The following PAPLN variants were observed in gnomAD, a reference collection of about 807,000 sequenced individuals.
The protein encoded by PAPLN is papilin.
PAPLN carries 146 observed loss-of-function variants against 159.0 expected under a neutral mutation model. That is an observed-to-expected ratio of 0.92 (90% CI 0.80 to 1.05). The LOEUF is 1.05. Ranked by LOEUF, PAPLN falls within the 50% of genes least tolerant of loss-of-function variation. The probability of loss-of-function intolerance (pLI) is 0.00; values close to 1 mark genes in which losing one functional copy is unlikely to be tolerated. For synonymous variants in PAPLN, 734 were observed against 702.9 expected (o/e 1.04, Z -0.70); for missense variants, 1,720 against 1,743.9 (o/e 0.99, Z 0.24).
rs144385424 is a variant in PAPLN, at chr14:73,271,686, G to A, written c.3668-809G>A. On this transcript the variant is annotated intron_variant, in intron 26 of 26. Coordinates refer to ENST00000644200, the MANE Select transcript of PAPLN (RefSeq NM_001365906.3). ...CTGGCTAATTTTTGCATTTTTAGTA[G>A]AGATGGGGTTTCACCATATTGGCCA... Among the ~76,000 whole-genome samples the A allele has an allele frequency of 9.5e-3, 1,440 of 152,170 alleles. 28 individuals carry two copies. Among genetic ancestry groups the A allele is most frequent in the African/African-American group, 0.033 (1,361 of 41,498 alleles).
Position 73,259,530 on chromosome 14 carries a change from C to T in PAPLN, c.1970C>T (p.Pro657Leu), listed in dbSNP as rs1310114163. 6.3e-7 allele frequency: 1 copy of T among 1,580,200 alleles called. No homozygotes were observed. Among genetic ancestry groups the T allele is most frequent in the Non-Finnish European group, 8.6e-7 (1 of 1,162,390 alleles). ...GPQWQGCPGA[P>L]CQQSRYGCCP... is the part of the protein sequence containing the mutation. ...CAGTGGCAAGGCTGCCCTGGGGCCCCCTGTCAGCAGAGCAGGTGGGTGCTG... is the reference window on the plus strand; with the variant it reads ...CAGTGGCAAGGCTGCCCTGGGGCCCTCTGTCAGCAGAGCAGGTGGGTGCTG... The change falls in exon 16 of 27, where the codon CCC becomes CTC. Residue 657 changes from proline (P) to leucine (L), a missense_variant. By Grantham distance (98) the Pro-to-Leu change is moderately conservative. Coordinates refer to ENST00000644200, the MANE Select transcript of PAPLN (RefSeq NM_001365906.3).
At position 73,253,972 on chromosome 14, in the gene PAPLN, T is replaced by G; in HGVS notation, c.1302+11T>G. Reference sequence around the variant, plus strand: ...GAGCCCTGGGGAGAGGTCAGGCCCCTGGCCCGCATGGGGCTGGTGCTGGAC... The same window carrying G: ...GAGCCCTGGGGAGAGGTCAGGCCCCGGGCCCGCATGGGGCTGGTGCTGGAC... On this transcript the variant is annotated intron_variant, in intron 12 of 26. Transcript: ENST00000644200. The G allele has an allele frequency of 6.2e-7, 1 of 1,603,388 alleles. No individual in the cohort carries two copies. Among genetic ancestry groups the G allele is most frequent in the Non-Finnish European group, 8.5e-7 (1 of 1,175,878 alleles).
intron 11 of PAPLN, chr14:73,253,114 G>T (rs1225056173): frequency 7.1e-7 from 1 of 1,405,048 alleles, no homozygotes; most frequent in Non-Finnish European, 9.5e-7. Context: ...CAGGGGTCAG[G>T]CCAAAGGGCC....
chr14:73,271,434 A>G (rs996096680), intron 26 of PAPLN, among the ~76,000 whole-genome samples: 11 of 152,020 alleles, frequency 7.2e-5, no homozygotes, highest in Non-Finnish European at 1.5e-4. Flanking sequence ...CAGGGAAGGT[A>G]CCACTCTGGT....
intron 14 of PAPLN, among the ~76,000 whole-genome samples, chr14:73,255,612 G>T (rs1376547916): frequency 1.3e-5 from 2 of 152,148 alleles, no homozygotes; most frequent in Non-Finnish European, 2.9e-5. Flanking sequence ...GCCAGTGTTT[G>T]CGTGGTGTGA....
intron 26 of PAPLN, among the ~76,000 whole-genome samples, chr14:73,270,948 G>GGGGT (rs746649339): frequency 3.3e-5 from 5 of 152,194 alleles, no homozygotes; most frequent in Non-Finnish European, 7.3e-5. Context: ...AGGAGGCCTT[G>GGGGT]GGGTGGTCAG....
In PAPLN at chr14:73,265,397, G is replaced by T; in HGVS notation, c.3153G>T (p.Arg1051=). ...NRLRLDQNQP[R]VVDASPGQRI... is the part of the protein sequence containing the mutation. The stretch of plus-strand genomic sequence containing the variant: ...TGCGTTTGGACCAGAACCAGCCCCG[G>T]GTGGTGGATGCCAGTCCAGGCCAGC... Residue 1051 remains arginine, a synonymous_variant, in exon 23 of 27, where the codon CGG becomes CGT. Coordinates refer to ENST00000644200, the MANE Select transcript of PAPLN (RefSeq NM_001365906.3). The surrounding 1 kb of genome is among the most constrained non-coding windows in gnomAD (Gnocchi z 4.1). 1 of 1,611,640 alleles carries T rather than the reference G, an allele frequency of 6.2e-7. No individual in the cohort carries two copies.
intron 19 of PAPLN, 89 bp from the exon 20 acceptor site, chr14:73,263,556 C>T (rs1886820790): frequency 1.3e-6 from 2 of 1,556,712 alleles, no homozygotes; most frequent in Non-Finnish European, 1.8e-6. Flanking sequence ...GGATGGGCCC[C>T]AAGCTGTCTG....
At position 73,264,423 on chromosome 14, in the gene PAPLN, C is replaced by T. The variant is rs1194763548; in HGVS notation, c.2986+88C>T. ...GGGAGCCTGACCGAGGGCTGCCTCA[C>T]GCTAGAGGGGCCCAGGGTGTCTCTC... is the stretch of plus-strand genomic sequence containing the variant. On this transcript the variant is annotated intron_variant, in intron 21 of 26. Coordinates refer to ENST00000644200, the MANE Select transcript of PAPLN (RefSeq NM_001365906.3). The T allele has an allele frequency of 2.8e-5, 44 of 1,552,804 alleles. 1 individual carries two copies. The South Asian group carries it at 3.1e-4, about 11-fold the overall frequency.
chr14:73,258,564 A>G (rs1886179798), intron 14 of PAPLN, among the ~76,000 whole-genome samples: 1 of 144,482 alleles, frequency 6.9e-6, no homozygotes, highest in African/African-American at 2.6e-5. Flanking sequence ...CAGGAGGATC[A>G]CTTGAGCCCA....
At chr14:73,255,696 G>A (rs1885826583) in intron 14 of PAPLN, among the ~76,000 whole-genome samples, 1 of 152,148 alleles carries the variant, frequency 6.6e-6, no homozygotes, top group African/African-American at 2.4e-5. Flanking sequence ...TCCCAATACT[G>A]CAGGGAGGCA....
Position 73,245,845 on chromosome 14 carries a change from G to T in PAPLN, c.231+149G>T. 3 of 1,095,130 alleles carry T rather than the reference G, an allele frequency of 2.7e-6. No individual in the cohort carries two copies. Among genetic ancestry groups the T allele is most frequent in the Middle Eastern group, 3.0e-4 (1 of 3,354 alleles). 67.8% of individuals were successfully genotyped at this position (1,095,130 alleles called of 1,614,324 possible). A position where few individuals can be genotyped will look rare whatever the true frequency, so the allele number is the denominator to read the frequency against. ...CAATCCACAGCAGGGCTGCGTGGGG[G>T]CCCCTTCCTCACCCTGCTCCCGGGG... On this transcript the variant is annotated intron_variant, in intron 4 of 26. Transcript: ENST00000644200. The surrounding 1 kb of genome is among the most constrained non-coding windows in gnomAD (Gnocchi z 4.2).
chr14:73,244,489 C>T (rs998889886), intron 2 of PAPLN, 155 bp from the exon 3 acceptor site: 15 of 617,510 alleles, frequency 2.4e-5, no homozygotes, highest in Middle Eastern at 2.9e-4. Flanking sequence ...TTGGGGTGCC[C>T]GGCAGTGTTG....
intron 11 of PAPLN, chr14:73,253,045 A>G: frequency 8.5e-7 from 1 of 1,181,948 alleles, no homozygotes; most frequent in South Asian, 1.3e-5. Flanking sequence ...AAGGTTCCAG[A>G]GGTCCCTGTC....
intron 12 of PAPLN, 86 bp downstream of exon 12, chr14:73,254,047 C>G: frequency 7.0e-7 from 1 of 1,426,996 alleles, no homozygotes; most frequent in Non-Finnish European, 9.4e-7. Flanking sequence ...CTGTGGAAAC[C>G]GAGGTCCTGG....
intron 2 of PAPLN, among the ~76,000 whole-genome samples, chr14:73,240,721 G>A (rs756176735): frequency 1.3e-5 from 2 of 152,224 alleles, no homozygotes; most frequent in African/African-American, 2.4e-5. Flanking sequence ...ATTAACAGGG[G>A]CCCAAAGGCC....
In PAPLN at chr14:73,261,169, A is replaced by C; in HGVS notation, c.2120A>C (p.His707Pro). Residue 707 changes from histidine (H) to proline (P), a missense_variant, in exon 18 of 27, where the codon CAC (histidine) becomes CCC (proline). Transcript: ENST00000644200. ...RAVASTVHNT[H>P]QPQAQQNEPS... ...TTTCCTCCCCAGGTCCACAACACCC[A>C]CCAGCCCCAGGCCCAGCAGAATGAG... 6.2e-7 allele frequency: 1 copy of C among 1,613,942 alleles called. No individual in the cohort carries two copies. Among genetic ancestry groups the C allele is most frequent in the Non-Finnish European group, 8.5e-7 (1 of 1,179,998 alleles).
intron 1 of PAPLN, among the ~76,000 whole-genome samples, chr14:73,238,494 C>T (rs1265550876): frequency 1.3e-5 from 2 of 152,364 alleles, no homozygotes; most frequent in East Asian, 3.9e-4. Context: ...GCTTGGAGTT[C>T]AGTGAAATTG....
chr14:73,265,350 G>C lies in PAPLN; in HGVS notation c.3126-20G>C, dbSNP rs1222528519. 1.9e-6 allele frequency: 3 copies of C among 1,605,416 alleles called. No individual in the cohort carries two copies. In the African/African-American group the frequency reaches 4.0e-5, roughly 21 times the overall value. Reference sequence around the variant, plus strand: ...GGCAACGGCAAGGGCCCCTCATGCTGTGGGCTGCTTGTTTGGCAGGCTGCG... The same window carrying C: ...GGCAACGGCAAGGGCCCCTCATGCTCTGGGCTGCTTGTTTGGCAGGCTGCG... On this transcript the variant is annotated intron_variant, in intron 22 of 26. Coordinates refer to ENST00000644200, the MANE Select transcript of PAPLN (RefSeq NM_001365906.3). This position sits in a 1 kb window ranked among gnomAD's most constrained non-coding sequence, Gnocchi z 4.1.
Sources: allele counts gnomAD v4.1 joint callset (sites outside exome capture counted in the v4.1 genomes callset), GRCh38; gene constraint gnomAD v4.1.1; non-coding constraint Gnocchi (gnomAD v3.1); transcripts MANE v1.5; gene names NCBI Gene and HGNC (gene_info 2026-07-23, HGNC 2026-07-21).